Variants in WARS1 observed in about 807,000 individuals in gnomAD.
The protein encoded by WARS1 is tryptophanyl-tRNA synthetase 1.
WARS1 carries 17 observed loss-of-function variants against 47.8 expected under a neutral mutation model. That is an observed-to-expected ratio of 0.36 (90% CI 0.24 to 0.53). WARS1 has a LOEUF of 0.53. Among genes scored for constraint, WARS1 ranks in the 20% least tolerant of loss-of-function variants. The probability of loss-of-function intolerance (pLI) is 0.91; values close to 1 mark genes in which losing one functional copy is unlikely to be tolerated. For missense variants in WARS1, 434 were observed against 608.0 expected, an observed-to-expected ratio of 0.71 and a Z score of 3.01; for synonymous variants, 208 against 228.1, an observed-to-expected ratio of 0.91 and a Z score of 0.79.
intron 2 of WARS1, among the ~76,000 whole-genome samples, chr14:100,363,418 G>A (rs1203356327): frequency 6.6e-6 from 1 of 152,116 alleles, no homozygotes; most frequent in Non-Finnish European, 1.5e-5. Context: ...GATGTTAGCT[G>A]GGTGCAGTGG....
rs1046308203 is a variant in WARS1 at position 100,353,567 on chromosome 14, GGAA to G, written c.725+117_725+119del. 3.3e-5 allele frequency: 42 copies of G among 1,264,302 alleles called. No homozygotes were observed. The African/African-American group carries it at 4.3e-4, about 13-fold the overall frequency. 78.3% of individuals were successfully genotyped at this position (1,264,302 alleles called of 1,614,324 possible). A position where few individuals can be genotyped will look rare whatever the true frequency, so the allele number is the denominator to read the frequency against. ...CTGGCCACTCATAGCATTTAATAAA[GGAA>G]GAAGAACATTTACTAGGCCTTAAGA... On this transcript the variant is annotated intron_variant, in intron 6 of 10. Transcript: ENST00000392882.
In WARS1 at chr14:100,353,673, C is replaced by T. The variant is rs147907575; in HGVS notation, c.725+14G>A. The T allele has an allele frequency of 5.9e-5, 95 of 1,611,716 alleles. No homozygotes were observed. The African/African-American group carries it at 6.9e-4, about 12-fold the overall frequency. On this transcript the variant is annotated intron_variant, in intron 6 of 10. Coordinates refer to ENST00000392882, the MANE Select transcript of WARS1 (RefSeq NM_004184.4). ...TCTACCTATTGAAAAGGCAGCCAGA[C>T]GTTTTCTCCTTACCCCATGTAGTCC...
chr14:100,361,837 A>G lies in WARS1; in HGVS notation c.184T>C (p.Cys62Arg), dbSNP rs755464863. 77 of 1,614,106 alleles carry G rather than the reference A, an allele frequency of 4.8e-5. 1 individual carries two copies. Among genetic ancestry groups the G allele is most frequent in the African/African-American group, 1.3e-5 (1 of 74,940 alleles). ...AAAGEDYKAD[C>R]PPGNPAPTSN... ...GTAGGTGCTGGGTTCCCTGGAGGAC[A>G]GTCAGCCTTGTAATCCTCCCCCGCG... The change falls in exon 3 of 11, where the codon TGT becomes CGT. Residue 62 changes from cysteine to arginine, a missense_variant. Coordinates refer to ENST00000392882, the MANE Select transcript of WARS1 (RefSeq NM_004184.4).
At chr14:100,354,370 C>T in intron 5 of WARS1, 77 bp downstream of exon 5, 2 of 1,549,342 alleles carry the variant, frequency 1.3e-6, no homozygotes, top group Non-Finnish European at 1.7e-6. Flanking sequence ...ATGATCTTGT[C>T]AGTTCTAAAC....
At chr14:100,342,263 A>G (rs985490359) in intron 9 of WARS1, 135 bp downstream of exon 9, 7 of 1,270,846 alleles carry the variant, frequency 5.5e-6, no homozygotes, top group African/African-American at 1.5e-5. Context: ...AAAGTTGGCA[A>G]TCCTGGAGTT....
At chr14:100,348,082 TAC>T (rs1476763557) in intron 6 of WARS1, among the ~76,000 whole-genome samples, 1 of 152,152 alleles carries the variant, frequency 6.6e-6, no homozygotes, top group Non-Finnish European at 1.5e-5. Context: ...GCCTCCACCT[TAC>T]AGTTAGACTA....
Position 100,352,108 on chromosome 14 carries a change from CTTTTTTTTT to C in WARS1, c.725+1570_725+1578del, listed in dbSNP as rs1172421175. Among the ~76,000 whole-genome samples the C allele has an allele frequency of 7.4e-5, 7 of 94,244 alleles. 1 individual carries two copies. The South Asian group carries it at 2.0e-3, about 27-fold the overall frequency. The allele number at this position is 94,244 out of a possible 152,430, so 61.8% of individuals were successfully genotyped here. Reference sequence around the variant, plus strand: ...TATAAAACCACTACTCAGTTTCTTTCTTTTTTTTTTTTTTTTTTTTTGAGACAGAGTCTC... The same window carrying C: ...TATAAAACCACTACTCAGTTTCTTTCTTTTTTTTTTTTGAGACAGAGTCTC... On this transcript the variant is annotated intron_variant, in intron 6 of 10. Transcript: ENST00000392882.
Position 100,353,746 on chromosome 14 carries a change from G to C in WARS1, c.666C>G (p.Ile222Met). The C allele has an allele frequency of 6.2e-7, 1 of 1,614,200 alleles. No homozygotes were observed. The highest frequency in any genetic ancestry group is 8.5e-7 in the Non-Finnish European group (1 of 1,180,052). ...TGTTGATGTCAAAGCCACAGGCGAT[G>C]ATGTCCTTGGCATTCTCCACAGCAT... ...YSYAVENAKD[I>M]IACGFDINKT... Residue 222 changes from isoleucine (I) to methionine (M), a missense_variant, in exon 6 of 11, where the codon ATC becomes ATG. Transcript: ENST00000392882.
chr14:100,350,220 C>T (rs1297235943), intron 6 of WARS1, among the ~76,000 whole-genome samples: 4 of 151,574 alleles, frequency 2.6e-5, no homozygotes, highest in Admixed American at 2.6e-4. Context: ...GGTGAAACTC[C>T]GTTTCTACTA....
At chr14:100,347,370 C>T (rs115181738) in intron 6 of WARS1, among the ~76,000 whole-genome samples, 2 of 152,164 alleles carry the variant, frequency 1.3e-5, no homozygotes, top group Non-Finnish European at 2.9e-5. Context: ...ACTGCTCCCC[C>T]CTGCTGTTTG....
intron 8 of WARS1, 83 bp downstream of exon 8, chr14:100,343,192 C>T: frequency 2.4e-6 from 3 of 1,235,256 alleles, no homozygotes; most frequent in Non-Finnish European, 3.3e-6. Flanking sequence ...TCATATCTTT[C>T]AATACCTCTC....
intron 4 of WARS1, among the ~76,000 whole-genome samples, chr14:100,358,611 C>A (rs1053085578): frequency 3.9e-5 from 6 of 152,236 alleles, no homozygotes; most frequent in African/African-American, 1.4e-4. Flanking sequence ...TCTTCACAAC[C>A]TTCGATTAGT....
intron 9 of WARS1, among the ~76,000 whole-genome samples, chr14:100,337,960 T>C (rs1216136530): frequency 6.6e-6 from 1 of 152,032 alleles, no homozygotes; most frequent in African/African-American, 2.4e-5. Context: ...CTCTTAGGGA[T>C]AGGTACTGCA....
At chr14:100,355,732 C>T (rs1895268565) in intron 4 of WARS1, among the ~76,000 whole-genome samples, 1 of 152,196 alleles carries the variant, frequency 6.6e-6, no homozygotes, top group African/African-American at 2.4e-5. Context: ...CAAGGGTCAA[C>T]ATTGCTTATC....
rs1893588128 is a variant in WARS1 at position 100,334,694 on chromosome 14, A to G, written c.*181T>C. 1 of 633,908 alleles carries G rather than the reference A, an allele frequency of 1.6e-6. No homozygotes were observed. 39.3% of individuals were successfully genotyped at this position (633,908 alleles called of 1,614,324 possible). A position where few individuals can be genotyped will look rare whatever the true frequency, so the allele number is the denominator to read the frequency against. Reference sequence around the variant, plus strand: ...TTACCCACAATGCTTTGCCCATAAGAGATAGAAATAATGGAACTCACAGGA... The same window carrying G: ...TTACCCACAATGCTTTGCCCATAAGGGATAGAAATAATGGAACTCACAGGA... On this transcript the variant is annotated 3_prime_UTR_variant, in exon 11 of 11. Transcript: ENST00000392882.
intron 2 of WARS1, among the ~76,000 whole-genome samples, chr14:100,362,533 G>GA (rs112297906): frequency 0.056 from 7,896 of 140,326 alleles, 265 homozygotes; most frequent in African/African-American, 0.099. Flanking sequence ...AAACTATCTT[G>GA]AAAAAAAAAA....
intron 5 of WARS1, 36 bp downstream of exon 5, chr14:100,354,411 A>T: frequency 6.2e-7 from 1 of 1,601,956 alleles, no homozygotes; most frequent in Middle Eastern, 1.7e-4. Context: ...TCAATTCACT[A>T]AGAGAGTAAG....
At chr14:100,339,268 A>G (rs1391132099) in intron 9 of WARS1, among the ~76,000 whole-genome samples, 1 of 152,074 alleles carries the variant, frequency 6.6e-6, no homozygotes, top group Non-Finnish European at 1.5e-5. Context: ...TGGGCAGGGA[A>G]AGCAGCAGTC....
chr14:100,344,949 G>A (rs1210450414), intron 7 of WARS1, among the ~76,000 whole-genome samples: 73 of 148,230 alleles, frequency 4.9e-4, no homozygotes, highest in African/African-American at 1.3e-3. Flanking sequence ...CTGGAGGGAG[G>A]TGGGGGGTCA....
Sources: allele counts gnomAD v4.1 joint callset (sites outside exome capture counted in the v4.1 genomes callset), GRCh38; gene constraint gnomAD v4.1.1; transcripts MANE v1.5; gene names NCBI Gene and HGNC (gene_info 2026-07-23, HGNC 2026-07-21).